The following GPC5 variants were observed in gnomAD, a reference collection of about 807,000 sequenced individuals.
GPC5 encodes the protein glypican-5.
GPC5 carries 47 observed loss-of-function variants against 53.9 expected under a neutral mutation model. That is an observed-to-expected ratio of 0.87 (90% CI 0.69 to 1.11). GPC5 has a LOEUF of 1.11. GPC5 is among the 50% of genes most tolerant of loss of function. The pLI is 0.00. For missense variants in GPC5, 748 were observed against 713.1 expected (o/e 1.05, Z -0.56); for synonymous variants, 286 against 263.3 (o/e 1.09, Z -0.84).
rs146499935 is a variant in GPC5, at chr13:91,964,616, C to A, written c.1401+56559C>A. Among the ~76,000 whole-genome samples, 4 of 152,106 alleles carry A rather than the reference C, an allele frequency of 2.6e-5. No individual in the cohort carries two copies. The South Asian group carries it at 8.3e-4, about 32-fold the overall frequency. On this transcript the variant is annotated intron_variant, in intron 6 of 7. Coordinates refer to ENST00000377067, the MANE Select transcript of GPC5 (RefSeq NM_004466.6). ...TACAAACCTTTAGCTAGACATAGAG[C>A]GCTGATTGGTGCATTTATAATCCTT...
At chr13:91,487,064 A>G (rs1883646567) in intron 2 of GPC5, among the ~76,000 whole-genome samples, 1 of 152,178 alleles carries the variant, frequency 6.6e-6, no homozygotes, top group East Asian at 1.9e-4. Context: ...TCAATATTGT[A>G]GGTTTGAGGA....
intron 6 of GPC5, among the ~76,000 whole-genome samples, chr13:91,976,243 G>A (rs1004401972): frequency 6.6e-6 from 1 of 152,144 alleles, no homozygotes; most frequent in Admixed American, 6.5e-5. Context: ...TGCACGTTGT[G>A]CACATGTACC....
intron 7 of GPC5, among the ~76,000 whole-genome samples, chr13:92,449,710 A>T (rs770524889): frequency 6.6e-6 from 1 of 152,162 alleles, no homozygotes; most frequent in Admixed American, 6.6e-5. Flanking sequence ...GAAAATCAAG[A>T]ATAGTAACTA....
At chr13:92,623,918 G>A (rs190240102) in intron 7 of GPC5, among the ~76,000 whole-genome samples, 201 of 151,466 alleles carry the variant, frequency 1.3e-3, no homozygotes, top group Non-Finnish European at 2.4e-3. Context: ...GCAGTGGCGC[G>A]ATCTCGACTC....
Position 91,448,990 on chromosome 13 carries a change from T to G in GPC5, c.325+68T>G, listed in dbSNP as rs1594104254. 10 of 1,484,290 alleles carry G rather than the reference T, an allele frequency of 6.7e-6. No homozygotes were observed. The East Asian group carries it at 2.3e-4, about 34-fold the overall frequency. 91.9% of individuals were successfully genotyped at this position (1,484,290 alleles called of 1,614,324 possible). ...ATGTAATTTGCCTAAGATAGTTACG[T>G]TGGCAAACTTGGCTGGGTTTATTTC... On this transcript the variant is annotated intron_variant, in intron 2 of 7. Transcript: ENST00000377067.
intron 7 of GPC5, among the ~76,000 whole-genome samples, chr13:92,679,615 T>C (rs1347332797): frequency 2.0e-5 from 3 of 152,084 alleles, no homozygotes; most frequent in Non-Finnish European, 4.4e-5. Flanking sequence ...CTGAGTTGTG[T>C]CAAACTATCA....
At chr13:92,741,970 A>C (rs1354019183) in intron 7 of GPC5, among the ~76,000 whole-genome samples, 10 of 151,988 alleles carry the variant, frequency 6.6e-5, no homozygotes, top group African/African-American at 1.9e-4. Context: ...ACATTTTCTT[A>C]ATCCAGTCTA....
At chr13:91,638,029 A>C (rs2034326038) in intron 2 of GPC5, among the ~76,000 whole-genome samples, 1 of 152,236 alleles carries the variant, frequency 6.6e-6, no homozygotes, top group South Asian at 2.1e-4. Context: ...ACAGGCAGAG[A>C]GAAAAAGGAA....
At chr13:92,423,422 A>G (rs184019608) in intron 7 of GPC5, among the ~76,000 whole-genome samples, 1 of 152,282 alleles carries the variant, frequency 6.6e-6, no homozygotes. Context: ...AGATAACATT[A>G]TTTGCTTATT....
At chr13:91,873,943 A>G (rs963045457) in intron 5 of GPC5, among the ~76,000 whole-genome samples, 1 of 152,092 alleles carries the variant, frequency 6.6e-6, no homozygotes, top group African/African-American at 2.4e-5. Flanking sequence ...CAGCTTCCCA[A>G]CCTGCTGGGG....
chr13:91,956,569 A>T (rs912698881), intron 6 of GPC5, among the ~76,000 whole-genome samples: 13 of 152,272 alleles, frequency 8.5e-5, no homozygotes, highest in African/African-American at 2.6e-4. Flanking sequence ...CTGGATCCCA[A>T]GGAAAGGCAT....
chr13:92,654,929 G>C (rs1007815961), intron 7 of GPC5, among the ~76,000 whole-genome samples: 1 of 152,106 alleles, frequency 6.6e-6, no homozygotes, highest in African/African-American at 2.4e-5. Context: ...ATAAGAAGAG[G>C]GAAATTTGGA....
intron 7 of GPC5, among the ~76,000 whole-genome samples, chr13:92,416,099 A>C (rs1594183250): frequency 6.6e-6 from 1 of 152,208 alleles, no homozygotes; most frequent in South Asian, 2.1e-4. Flanking sequence ...ATACTGGAAA[A>C]AGTATATTTG....
intron 1 of GPC5, among the ~76,000 whole-genome samples, chr13:91,415,623 G>C (rs1039487816): frequency 1.3e-5 from 2 of 151,292 alleles, no homozygotes; most frequent in African/African-American, 4.9e-5. Flanking sequence ...ACCAATCTGA[G>C]TTCAAATTTG....
At chr13:91,952,248 T>A (rs2040033993) in intron 6 of GPC5, among the ~76,000 whole-genome samples, 2 of 151,994 alleles carry the variant, frequency 1.3e-5, no homozygotes, top group Non-Finnish European at 2.9e-5. Context: ...ACTGCAGTGG[T>A]TACTTTAGAT....
chr13:92,622,604 C>G (rs974848786), intron 7 of GPC5, among the ~76,000 whole-genome samples: 1 of 151,746 alleles, frequency 6.6e-6, no homozygotes, highest in African/African-American at 2.4e-5. Context: ...CACTCTGTCA[C>G]TCAGGCTGGA....
chr13:92,017,039 G>A (rs1374139201), intron 6 of GPC5, among the ~76,000 whole-genome samples: 1 of 152,112 alleles, frequency 6.6e-6, no homozygotes, highest in African/African-American at 2.4e-5. Context: ...TCGATGCTGG[G>A]TGGTGTTGGG....
intron 7 of GPC5, among the ~76,000 whole-genome samples, chr13:92,737,245 T>G (rs1187417212): frequency 1.3e-5 from 2 of 152,068 alleles, no homozygotes; most frequent in Non-Finnish European, 2.9e-5. Context: ...TGAATTAAAT[T>G]GAATTATTGC....
intron 7 of GPC5, among the ~76,000 whole-genome samples, chr13:92,326,664 A>T (rs745945478): frequency 6.6e-6 from 1 of 152,186 alleles, no homozygotes; most frequent in Non-Finnish European, 1.5e-5. Flanking sequence ...TAACTGGTCT[A>T]GTTCTTCAAA....
Sources: gnomAD v4.1 joint callset for allele counts (sites outside exome capture counted in the v4.1 genomes callset) on GRCh38, gnomAD v4.1.1 for gene constraint, MANE v1.5 for transcripts, NCBI Gene and HGNC (gene_info 2026-07-23, HGNC 2026-07-21) for gene names.